Variants in IGF2BP3 observed in about 807,000 individuals in gnomAD.
IGF2BP3 encodes the protein insulin like growth factor 2 mRNA binding protein 3.
IGF2BP3 carries 9 observed loss-of-function variants against 73.8 expected under a neutral mutation model. The ratio of observed to expected loss-of-function variants is 0.12; its 90% CI spans 0.07 to 0.21. IGF2BP3 has a LOEUF of 0.21. Ranked by LOEUF, IGF2BP3 falls within the 10% of genes least tolerant of loss-of-function variation. IGF2BP3 has a pLI of 1.00. For synonymous variants in IGF2BP3, 258 were observed against 256.7 expected (o/e 1.01, Z -0.05); for missense variants, 542 against 714.0 (o/e 0.76, Z 2.75).
chr7:23,357,295 C>T (rs551562480), intron 5 of IGF2BP3, among the ~76,000 whole-genome samples: 3 of 147,538 alleles, frequency 2.0e-5, no homozygotes, highest in East Asian at 2.0e-4. Flanking sequence ...TTTTTTGAGA[C>T]GGAGTTTTGC....
intron 10 of IGF2BP3, among the ~76,000 whole-genome samples, chr7:23,330,814 C>T (rs959720538): frequency 3.9e-4 from 60 of 152,098 alleles, no homozygotes; most frequent in African/African-American, 1.4e-3. Flanking sequence ...TTTTCTGAGA[C>T]GGAGTCTTGC....
chr7:23,437,009 T>C (rs1284751551), intron 2 of IGF2BP3, among the ~76,000 whole-genome samples: 1 of 151,382 alleles, frequency 6.6e-6, no homozygotes, highest in East Asian at 1.9e-4. Flanking sequence ...GTCCCAGCTA[T>C]TTAGGAAGCT....
At chr7:23,349,214 G>A (rs1784902009) in intron 6 of IGF2BP3, among the ~76,000 whole-genome samples, 1 of 152,038 alleles carries the variant, frequency 6.6e-6, no homozygotes, top group Non-Finnish European at 1.5e-5. Context: ...AGTTCCTTTG[G>A]CCATTCAAAC....
At chr7:23,338,382 G>A (rs1359003613) in intron 10 of IGF2BP3, among the ~76,000 whole-genome samples, 7 of 152,154 alleles carry the variant, frequency 4.6e-5, no homozygotes, top group South Asian at 2.1e-4. Flanking sequence ...TTAGCTGGGC[G>A]TGATGGTGTG....
At chr7:23,411,002 T>C (rs1295896264) in intron 3 of IGF2BP3, among the ~76,000 whole-genome samples, 1 of 152,208 alleles carries the variant, frequency 6.6e-6, no homozygotes, top group East Asian at 1.9e-4. Flanking sequence ...GCCTAGTACG[T>C]GTCAGCTACT....
At chr7:23,334,941 G>A (rs1025174093) in intron 10 of IGF2BP3, among the ~76,000 whole-genome samples, 1 of 151,798 alleles carries the variant, frequency 6.6e-6, no homozygotes, top group Non-Finnish European at 1.5e-5. Context: ...AGGATGCCAC[G>A]GTTTCCCTTT....
At chr7:23,313,263 T>G (rs895511738) in intron 13 of IGF2BP3, among the ~76,000 whole-genome samples, 2 of 152,220 alleles carry the variant, frequency 1.3e-5, no homozygotes, top group Non-Finnish European at 2.9e-5. Flanking sequence ...AAAGCTAAAG[T>G]TTTATCAGGA....
In IGF2BP3 at chr7:23,468,495, G is replaced by C; in HGVS notation, c.223C>G (p.Pro75Ala). ...GKPIEVEHSV[P>A]KRQRIRKLQI... ...GCAGCAGCTCACCTTTGCCTTTTTG[G>C]GACCGAGTGCTCAACTTCTATGGGT... Residue 75 changes from proline to alanine, a missense_variant, in exon 2 of 15, where the codon CCA becomes GCA. Around this residue, in one of 2 missense-constraint regions of IGF2BP3, gnomAD observed 239 missense variants for 241.9 expected, o/e 0.99. Coordinates refer to ENST00000258729, the MANE Select transcript of IGF2BP3 (RefSeq NM_006547.3). 6.2e-7 allele frequency: 1 copy of C among 1,614,170 alleles called. No individual in the cohort carries two copies. Among genetic ancestry groups the C allele is most frequent in the South Asian group, 1.1e-5 (1 of 91,078 alleles).
intron 2 of IGF2BP3, among the ~76,000 whole-genome samples, chr7:23,458,076 G>A (rs1040988137): frequency 3.3e-5 from 5 of 151,894 alleles, no homozygotes; most frequent in African/African-American, 9.7e-5. Flanking sequence ...AAAATACAAC[G>A]GCTTCCATTG....
chr7:23,323,872 C>T (rs1167008718), intron 10 of IGF2BP3, among the ~76,000 whole-genome samples: 15 of 151,538 alleles, frequency 9.9e-5, no homozygotes, highest in African/African-American at 2.4e-4. Flanking sequence ...TTGAAACCAA[C>T]GAGAACAAAG....
chr7:23,468,300 T>C (rs1395490054), intron 2 of IGF2BP3, among the ~76,000 whole-genome samples, 182 bp downstream of exon 2: 1 of 152,156 alleles, frequency 6.6e-6, no homozygotes, highest in African/African-American at 2.4e-5. Context: ...AAGCTTTCAA[T>C]TCCTGCCCAG....
intron 11 of IGF2BP3, 26 bp downstream of exon 11, chr7:23,319,112 G>A: frequency 1.4e-6 from 2 of 1,405,658 alleles, no homozygotes; most frequent in Non-Finnish European, 2.0e-6. Context: ...TAAAGAACCA[G>A]AGAACCACAG....
intron 12 of IGF2BP3, among the ~76,000 whole-genome samples, chr7:23,315,400 G>T (rs767075076): frequency 1.3e-5 from 2 of 152,098 alleles, no homozygotes; most frequent in Non-Finnish European, 2.9e-5. Context: ...GGGCCACCGC[G>T]CCTGGCCAAG....
Position 23,312,589 on chromosome 7 carries a change from A to T in IGF2BP3, c.1642-129T>A, listed in dbSNP as rs546022984. 168 of 893,810 alleles carry T rather than the reference A, an allele frequency of 1.9e-4. No homozygotes were observed. The African/African-American group carries it at 2.4e-3, about 13-fold the overall frequency. The allele number at this position is 893,810 out of a possible 1,614,324, so 55.4% of individuals were successfully genotyped here. A position where few individuals can be genotyped will look rare whatever the true frequency, so the allele number is the denominator to read the frequency against. ...AAAGATACATACTAGTCAGTTTGCT[A>T]GTAGTCTCTGAAATCACCCGCTAAA... is the stretch of plus-strand genomic sequence containing the variant. On this transcript the variant is annotated intron_variant, in intron 14 of 14. Coordinates refer to ENST00000258729, the MANE Select transcript of IGF2BP3 (RefSeq NM_006547.3).
At position 23,469,370 on chromosome 7, in the gene IGF2BP3, G is replaced by C. The variant is rs1449909012; in HGVS notation, c.175+566C>G. ...CGTCGGACCAGGGGAGGTGGAACGG[G>C]GAAACCGGGCACACACTCTCTCCTC... On this transcript the variant is annotated intron_variant, in intron 1 of 14. Transcript: ENST00000258729. The surrounding 1 kb of genome is among the most constrained non-coding windows in gnomAD (Gnocchi z 6.1). 6.6e-6 allele frequency: 1 copy of C among 152,204 alleles called. No homozygotes were observed. Among genetic ancestry groups the C allele is most frequent in the African/African-American group, 2.4e-5 (1 of 41,456 alleles). The allele number at this position is 152,204 out of a possible 1,614,324, so 9.4% of individuals were successfully genotyped here. A position where few individuals can be genotyped will look rare whatever the true frequency, so the allele number is the denominator to read the frequency against.
intron 2 of IGF2BP3, among the ~76,000 whole-genome samples, chr7:23,424,257 G>C (rs1318602776): frequency 6.6e-6 from 1 of 152,094 alleles, no homozygotes; most frequent in African/African-American, 2.4e-5. Flanking sequence ...CCAGCACTTT[G>C]GGAGGCTGAG....
chr7:23,466,819 T>C (rs1347473892), intron 2 of IGF2BP3, among the ~76,000 whole-genome samples: 1 of 152,240 alleles, frequency 6.6e-6, no homozygotes, highest in Non-Finnish European at 1.5e-5. Flanking sequence ...GCTCGATGAA[T>C]TGTAAAAATC....
chr7:23,433,592 C>T (rs930628830), intron 2 of IGF2BP3, among the ~76,000 whole-genome samples: 5 of 151,904 alleles, frequency 3.3e-5, no homozygotes, highest in African/African-American at 1.2e-4. Flanking sequence ...GCAATTCTCC[C>T]ACCTCAGCCT....
chr7:23,377,973 C>CTA (rs1785779981), intron 3 of IGF2BP3, among the ~76,000 whole-genome samples: 1 of 152,140 alleles, frequency 6.6e-6, no homozygotes, highest in Admixed American at 6.5e-5. Context: ...GGGCAAGTGA[C>CTA]TGTTAATGGC....
Sources: allele counts gnomAD v4.1 joint callset (sites outside exome capture counted in the v4.1 genomes callset), GRCh38; gene constraint gnomAD v4.1.1; regional missense constraint gnomAD v4.1.1; non-coding constraint Gnocchi (gnomAD v3.1); transcripts MANE v1.5; gene names NCBI Gene and HGNC (gene_info 2026-07-23, HGNC 2026-07-21).